Variants in SFXN1 observed in about 807,000 individuals in gnomAD.
SFXN1 encodes sideroflexin 1, also known as sideroflexin-1.
In SFXN1, 32 loss-of-function variants were observed where a neutral mutation model predicts 39.5. The ratio of observed to expected loss-of-function variants is 0.81; its 90% confidence interval spans 0.61 to 1.09. The LOEUF (loss-of-function observed/expected upper bound fraction) is 1.09. SFXN1 is among the 50% of genes least tolerant of loss of function. The pLI, the probability that SFXN1 is intolerant of heterozygous loss-of-function variation, is 0.00. For synonymous variants in SFXN1, 136 were observed against 146.5 expected (o/e 0.93, Z 0.52); for missense variants, 402 against 407.1 (o/e 0.99, Z 0.11).
rs1247879110 is a variant in SFXN1 at position 175,511,504 on chromosome 5, T to C, written c.488T>C (p.Leu163Pro). The change falls in exon 5 of 11, where the codon CTA (leucine) becomes CCA (proline). Residue 163 changes from leucine (L) to proline (P), a missense_variant. Leu to Pro is a moderately conservative substitution (Grantham distance 98). Transcript: ENST00000321442. Reference sequence around the variant, plus strand: ...ACAACTGGTGCCGTAGCAACAGCTCTAGGACTCAATGCATTGACCAAGGTA... The same window carrying C: ...ACAACTGGTGCCGTAGCAACAGCTCCAGGACTCAATGCATTGACCAAGGTA... ...SATTGAVATA[L>P]GLNALTKHVS... is the part of the protein sequence containing the mutation. The C allele has an allele frequency of 6.2e-7, 1 of 1,614,100 alleles. No individual in the cohort carries two copies. Among genetic ancestry groups the C allele is most frequent in the Admixed American group, 1.7e-5 (1 of 60,014 alleles).
intron 8 of SFXN1, among the ~76,000 whole-genome samples, chr5:175,521,061 A>G (rs779877198): frequency 5.3e-5 from 8 of 151,388 alleles, no homozygotes; most frequent in Non-Finnish European, 1.0e-4. Context: ...GCTTGTGTTG[A>G]CTCCTAACTA....
At chr5:175,505,543 TAATAATA>T (rs1223795161) in intron 2 of SFXN1, among the ~76,000 whole-genome samples, 1 of 85,500 alleles carries the variant, frequency 1.2e-5, no homozygotes, top group East Asian at 3.3e-4. Flanking sequence ...ATCACAATAA[TAATAATA>T]ATAATAATAA....
Position 175,511,754 on chromosome 5 carries a change from C to G in SFXN1, c.510+228C>G, listed in dbSNP as rs965225324. Reference sequence around the variant, plus strand: ...TGTGCCTGACTCTGTGTACGAAGTGCTAAATGTTCACCCATCCTGACAGCC... The same window carrying G: ...TGTGCCTGACTCTGTGTACGAAGTGGTAAATGTTCACCCATCCTGACAGCC... On this transcript the variant is annotated intron_variant, in intron 5 of 10. Coordinates refer to ENST00000321442, the MANE Select transcript of SFXN1 (RefSeq NM_022754.7). Among the ~76,000 whole-genome samples, 13 of 152,240 alleles carry G rather than the reference C, an allele frequency of 8.5e-5. No homozygotes were observed. In the East Asian group the frequency reaches 2.5e-3, roughly 29 times the overall value.
chr5:175,526,530 C>G, intron 10 of SFXN1, 108 bp from the exon 11 acceptor site: 1 of 786,360 alleles, frequency 1.3e-6, no homozygotes, highest in Non-Finnish European at 2.2e-6. Flanking sequence ...ACAAGACCCA[C>G]TGTACCAGTC....
intron 8 of SFXN1, among the ~76,000 whole-genome samples, chr5:175,518,865 C>T (rs916428091): frequency 3.9e-5 from 6 of 152,120 alleles, no homozygotes; most frequent in African/African-American, 1.4e-4. Context: ...ACACAAAAAG[C>T]ACAGTCCATA....
At position 175,529,581 on chromosome 5, in the gene SFXN1, T is replaced by C. The variant is rs1167089272; in HGVS notation, c.*2847T>C. 2 of 152,234 alleles carry C rather than the reference T, an allele frequency of 1.3e-5. No individual in the cohort carries two copies. Among genetic ancestry groups the C allele is most frequent in the Non-Finnish European group, 2.9e-5 (2 of 68,036 alleles). The allele number at this position is 152,234 out of a possible 1,614,324, so 9.4% of individuals were successfully genotyped here. ...ATAAGCTTATAAAGCTAAGTAGTTA[T>C]TAATATTTCTATTAACATGATACAA... On this transcript the variant is annotated 3_prime_UTR_variant, in exon 11 of 11. Coordinates refer to ENST00000321442, the MANE Select transcript of SFXN1 (RefSeq NM_022754.7).
chr5:175,480,349 C>T (rs902744236), intron 1 of SFXN1, among the ~76,000 whole-genome samples: 2 of 151,914 alleles, frequency 1.3e-5, no homozygotes, highest in East Asian at 1.9e-4. Context: ...TGCAGTGAGC[C>T]GAGATCGCGC....
intron 6 of SFXN1, 52 bp from the exon 7 acceptor site, chr5:175,513,411 G>A (rs1220842590): frequency 1.9e-6 from 3 of 1,586,868 alleles, no homozygotes; most frequent in Admixed American, 3.4e-5. Flanking sequence ...ACTATTTCAG[G>A]ACGTTTATTG....
chr5:175,494,481 T>A (rs1759782158), intron 2 of SFXN1, among the ~76,000 whole-genome samples: 1 of 152,176 alleles, frequency 6.6e-6, no homozygotes, highest in South Asian at 2.1e-4. Flanking sequence ...GGCACAGTGA[T>A]TCATGCCTAT....
At chr5:175,494,748 A>G (rs61710700) in intron 2 of SFXN1, among the ~76,000 whole-genome samples, 41,358 of 149,490 alleles carry the variant, frequency 0.28, 5,996 homozygotes, top group South Asian at 0.44. Flanking sequence ...ACGAAACTCC[A>G]CCTAAAAAAA....
In SFXN1 at chr5:175,528,428, T is replaced by G. The variant is rs1189540229; in HGVS notation, c.*1694T>G. On this transcript the variant is annotated 3_prime_UTR_variant, in exon 11 of 11. Transcript: ENST00000321442. The stretch of plus-strand genomic sequence containing the variant: ...CAGGAACTTGAGCATCTGCAGATAT[T>G]GGTATCGGAGGGCGGTCCTGGAACC... 6 of 152,234 alleles carry G rather than the reference T, an allele frequency of 3.9e-5. No homozygotes were observed. The highest frequency in any genetic ancestry group is 5.9e-5 in the Non-Finnish European group (4 of 68,076). 9.4% of individuals were successfully genotyped at this position (152,234 alleles called of 1,614,324 possible). A position where few individuals can be genotyped will look rare whatever the true frequency, so the allele number is the denominator to read the frequency against.
chr5:175,493,189 C>G (rs926847421), intron 2 of SFXN1, among the ~76,000 whole-genome samples: 16 of 151,970 alleles, frequency 1.1e-4, no homozygotes, highest in Admixed American at 1.0e-3. Context: ...GGAGGCAGAG[C>G]CGGCAGTGAG....
At chr5:175,522,012 T>C in intron 9 of SFXN1, 44 bp downstream of exon 9, 5 of 1,500,444 alleles carry the variant, frequency 3.3e-6, no homozygotes, top group Non-Finnish European at 4.6e-6. Context: ...TTTTAAAATA[T>C]AAATACACAG....
chr5:175,513,366 G>T, intron 6 of SFXN1, 97 bp from the exon 7 acceptor site: 39 of 943,208 alleles, frequency 4.1e-5, no homozygotes, highest in East Asian at 1.5e-4. Flanking sequence ...GTGGGTATTT[G>T]AATTAAGTAG....
chr5:175,503,604 G>A (rs1370092010), intron 2 of SFXN1, among the ~76,000 whole-genome samples: 2 of 152,278 alleles, frequency 1.3e-5, no homozygotes, highest in East Asian at 3.9e-4. Flanking sequence ...AGGCATAATG[G>A]GTGGTACTTC....
intron 8 of SFXN1, among the ~76,000 whole-genome samples, chr5:175,518,038 G>A (rs933337737): frequency 5.3e-5 from 8 of 152,044 alleles, no homozygotes; most frequent in East Asian, 1.9e-4. Context: ...ATCCCCCTAC[G>A]CCTTATCTCT....
At chr5:175,479,037 GCCT>G (rs1759135538) in intron 1 of SFXN1, among the ~76,000 whole-genome samples, 1 of 152,220 alleles carries the variant, frequency 6.6e-6, no homozygotes, top group African/African-American at 2.4e-5. Flanking sequence ...GTGGCCCAGT[GCCT>G]GGCCCAGCGC....
chr5:175,512,563 C>A (rs781531941), intron 6 of SFXN1, among the ~76,000 whole-genome samples: 4 of 151,892 alleles, frequency 2.6e-5, no homozygotes, highest in Non-Finnish European at 4.4e-5. Flanking sequence ...AAATAGATTC[C>A]TTTTTTTTCT....
intron 2 of SFXN1, 131 bp downstream of exon 2, chr5:175,492,398 AAAAGG>A: frequency 1.3e-6 from 1 of 786,976 alleles, no homozygotes; most frequent in Non-Finnish European, 1.9e-6. Context: ...CAAAAAAAAA[AAAAGG>A]AAGAAAAGAG....
Sources: gnomAD v4.1 joint callset for allele counts (sites outside exome capture counted in the v4.1 genomes callset) on GRCh38, gnomAD v4.1.1 for gene constraint, MANE v1.5 for transcripts, NCBI Gene and HGNC (gene_info 2026-07-23, HGNC 2026-07-21) for gene names.